Variants in NIN observed in about 807,000 individuals in gnomAD.
NIN encodes ninein.
NIN carries 137 observed loss-of-function variants against 257.6 expected under a neutral mutation model. That is an observed-to-expected ratio of 0.53 (90% confidence interval 0.46 to 0.61). NIN has a LOEUF of 0.61. Ranked by LOEUF, NIN falls within the 20% of genes least tolerant of loss-of-function variation. The probability of loss-of-function intolerance (pLI) is 0.00; values close to 1 mark genes in which losing one functional copy is unlikely to be tolerated. For synonymous variants in NIN, 918 were observed against 919.8 expected (o/e 1.00, Z 0.04); for missense variants, 2,439 against 2,501.2 (o/e 0.98, Z 0.53).
intron 27 of NIN, among the ~76,000 whole-genome samples, chr14:50,737,175 G>GTCTT (rs1466941583): frequency 6.6e-6 from 1 of 152,154 alleles, no homozygotes; most frequent in Non-Finnish European, 1.5e-5. Flanking sequence ...TTCTGTCTTG[G>GTCTT]TCTTTCGGTC....
intron 3 of NIN, among the ~76,000 whole-genome samples, chr14:50,813,692 T>C (rs1419631632): frequency 5.9e-5 from 9 of 152,238 alleles, no homozygotes; most frequent in Non-Finnish European, 2.9e-5. Flanking sequence ...ACTCATCTCG[T>C]GCAATCATGG....
intron 24 of NIN, among the ~76,000 whole-genome samples, chr14:50,743,147 T>G (rs2041369769): frequency 6.6e-6 from 1 of 151,858 alleles, no homozygotes; most frequent in Non-Finnish European, 1.5e-5. Context: ...TTTTTTAATT[T>G]TTAGTAGAGA....
chr14:50,789,527 C>T (rs545406176), intron 5 of NIN, among the ~76,000 whole-genome samples: 1 of 152,098 alleles, frequency 6.6e-6, no homozygotes, highest in East Asian at 1.9e-4. Context: ...GCCGAGGTTG[C>T]GCCACTGCAC....
At chr14:50,817,076 C>T (rs544482639) in intron 3 of NIN, among the ~76,000 whole-genome samples, 22 of 152,284 alleles carry the variant, frequency 1.4e-4, no homozygotes, top group African/African-American at 5.1e-4. Context: ...TCCAAGTCTA[C>T]ATATGCAAAA....
intron 16 of NIN, 78 bp from the exon 17 acceptor site, chr14:50,760,437 C>CT (rs35995624): frequency 0.027 from 11,431 of 422,090 alleles, 74 homozygotes; most frequent in African/African-American, 0.039. Context: ...GCAGCAATTG[C>CT]TTTTTTTTTT....
At chr14:50,802,077 C>A (rs149084042) in intron 4 of NIN, among the ~76,000 whole-genome samples, 76 of 152,324 alleles carry the variant, frequency 5.0e-4, no homozygotes, top group African/African-American at 1.8e-3. Context: ...TAATCCAAAG[C>A]CACGGCAAAT....
In NIN at chr14:50,721,843, C is replaced by G. The variant is rs183684654; in HGVS notation, c.*1620G>C. 1 of 223,046 alleles carries G rather than the reference C, an allele frequency of 4.5e-6. No homozygotes were observed. The highest frequency in any genetic ancestry group is 2.2e-5 in the African/African-American group (1 of 44,780). 13.8% of individuals were successfully genotyped at this position (223,046 alleles called of 1,614,324 possible). On this transcript the variant is annotated 3_prime_UTR_variant, in exon 31 of 31. Coordinates refer to ENST00000530997, the MANE Select transcript of NIN (RefSeq NM_020921.4). The stretch of plus-strand genomic sequence containing the variant: ...TTGTAGTGAGGCCTCCTGGGTTGAC[C>G]GGTGAGACTCATAAGCCCCCAAGAA...
chr14:50,826,135 G>GGCAGGA (rs2045446519), intron 2 of NIN, among the ~76,000 whole-genome samples: 1 of 152,142 alleles, frequency 6.6e-6, no homozygotes, highest in Non-Finnish European at 1.5e-5. Flanking sequence ...GATCCTAACT[G>GGCAGGA]GTACCCACCA....
intron 5 of NIN, among the ~76,000 whole-genome samples, chr14:50,783,770 G>T (rs1394256643): frequency 6.6e-6 from 1 of 152,148 alleles, no homozygotes; most frequent in Non-Finnish European, 1.5e-5. Flanking sequence ...AGGTTAGAAG[G>T]CTAGGGGGAT....
At chr14:50,735,384 A>AGAATT in intron 28 of NIN, 132 bp downstream of exon 28, 1 of 1,315,838 alleles carries the variant, frequency 7.6e-7, no homozygotes, top group Non-Finnish European at 1.0e-6. Flanking sequence ...GGCGGACCAA[A>AGAATT]GAATTCAACT....
intron 25 of NIN, 141 bp from the exon 26 acceptor site, chr14:50,739,628 T>A (rs986465841): frequency 1.8e-5 from 12 of 667,074 alleles, no homozygotes; most frequent in Non-Finnish European, 3.1e-5. Flanking sequence ...AATGAAAGTA[T>A]GTGTATGTAC....
Position 50,766,469 on chromosome 14 carries a change from G to T in NIN, c.1546-73C>A. The T allele has an allele frequency of 3.8e-6, 5 of 1,303,120 alleles. No individual in the cohort carries two copies. In the South Asian group the frequency reaches 5.9e-5, roughly 15 times the overall value. The allele number at this position is 1,303,120 out of a possible 1,614,324, so 80.7% of individuals were successfully genotyped here. Reference sequence around the variant, plus strand: ...TTTGACCCAACACAGCAAAGGCCCAGTTTCTGGTATTCACCCAGTCTCTTG... The same window carrying T: ...TTTGACCCAACACAGCAAAGGCCCATTTTCTGGTATTCACCCAGTCTCTTG... On this transcript the variant is annotated intron_variant, in intron 13 of 30. Coordinates refer to ENST00000530997, the MANE Select transcript of NIN (RefSeq NM_020921.4).
chr14:50,829,449 C>T (rs1566891180), intron 2 of NIN, among the ~76,000 whole-genome samples: 1 of 152,196 alleles, frequency 6.6e-6, no homozygotes, highest in Non-Finnish European at 1.5e-5. Flanking sequence ...TTTACGGGGA[C>T]CTAACTGAGA....
At chr14:50,763,611 C>T (rs750144126) in intron 15 of NIN, among the ~76,000 whole-genome samples, 8 of 151,926 alleles carry the variant, frequency 5.3e-5, no homozygotes, top group Admixed American at 2.0e-4. Context: ...CCTTTGTTGA[C>T]GCATATCAAA....
At chr14:50,741,427 C>T (rs1366587605) in intron 25 of NIN, among the ~76,000 whole-genome samples, 155 bp downstream of exon 25, 2 of 152,144 alleles carry the variant, frequency 1.3e-5, no homozygotes. Context: ...AAATGTTCTA[C>T]ATTTTTATCT....
chr14:50,738,252 T>C lies in NIN; in HGVS notation c.5663A>G (p.His1888Arg). 6.2e-7 allele frequency: 1 copy of C among 1,614,008 alleles called. No individual in the cohort carries two copies. The highest frequency in any genetic ancestry group is 8.5e-7 in the Non-Finnish European group (1 of 1,179,930). ...RQLESNLLPK[H>R]QKHLNPSGTM... ...ACCTGATGGGTTTAGATGTTTTTGG[T>C]GCTTGGGAAGAAGATTGGATTCCAA... The change falls in exon 27 of 31, where the codon CAC becomes CGC. Residue 1888 changes from histidine (H) to arginine (R), a missense_variant. By Grantham distance (29) the His-to-Arg change is conservative (BLOSUM62 0). This residue lies in a region of NIN where 2,043 missense variants were observed against 2,050.2 expected (regional missense o/e 1.00). Coordinates refer to ENST00000530997, the MANE Select transcript of NIN (RefSeq NM_020921.4).
intron 18 of NIN, among the ~76,000 whole-genome samples, chr14:50,756,066 GTTC>G (rs1424854174): frequency 2.0e-5 from 3 of 151,486 alleles, no homozygotes; most frequent in African/African-American, 7.3e-5. Context: ...TAAGAAGTGA[GTTC>G]TTATCTACTA....
chr14:50,779,807 A>C (rs1255557745), intron 5 of NIN, among the ~76,000 whole-genome samples: 8 of 152,216 alleles, frequency 5.3e-5, no homozygotes, highest in African/African-American at 1.7e-4. Context: ...TATCTGCTGA[A>C]GCAAGGAGGC....
At chr14:50,750,027 A>G (rs1217133511) in intron 21 of NIN, among the ~76,000 whole-genome samples, 1 of 152,016 alleles carries the variant, frequency 6.6e-6, no homozygotes, top group African/African-American at 2.4e-5. Context: ...TTTCATAATT[A>G]TATTTATTTT....
Sources: allele counts gnomAD v4.1 joint callset (sites outside exome capture counted in the v4.1 genomes callset), GRCh38; gene constraint gnomAD v4.1.1; regional missense constraint gnomAD v4.1.1; transcripts MANE v1.5; gene names NCBI Gene and HGNC (gene_info 2026-07-23, HGNC 2026-07-21).